Variants in PYHIN1 observed in about 807,000 individuals in gnomAD.
PYHIN1 encodes pyrin and HIN domain-containing protein 1.
Under a neutral mutation model 43.7 loss-of-function variants are expected in PYHIN1, and 32 were observed. The observed-to-expected ratio is 0.73, with a 90% CI of 0.55 to 0.98. The LOEUF (loss-of-function observed/expected upper bound fraction) is 0.98. Among genes scored for constraint, PYHIN1 ranks in the 50% least tolerant of loss-of-function variants. PYHIN1 has a pLI of 0.00. For synonymous variants in PYHIN1, 205 were observed against 203.1 expected (o/e 1.01, Z -0.08); for missense variants, 588 against 589.5 (o/e 1.00, Z 0.03).
intron 7 of PYHIN1, among the ~76,000 whole-genome samples, chr1:158,952,409 T>C (rs994531700): frequency 6.6e-6 from 1 of 151,988 alleles, no homozygotes; most frequent in Non-Finnish European, 1.5e-5. Flanking sequence ...TATGATTGCC[T>C]CGTTGATCTT....
chr1:158,947,554 C>A (rs1649289661), intron 7 of PYHIN1, among the ~76,000 whole-genome samples: 1 of 152,268 alleles, frequency 6.6e-6, no homozygotes, highest in African/African-American at 2.4e-5. Flanking sequence ...TCACTGGTAC[C>A]TGTGGGGGTT....
At chr1:158,978,070 G>A (rs1038545478), downstream of PYHIN1, among the ~76,000 whole-genome samples, 1 of 152,122 alleles carries the variant, frequency 6.6e-6, no homozygotes, top group Non-Finnish European at 1.5e-5. Flanking sequence ...AGGCATTAAA[G>A]TTCTGCCTTT....
In PYHIN1 at chr1:158,976,902, A is replaced by AG; in HGVS notation, c.*207_*208insG. 1 of 72,994 alleles carries AG rather than the reference A, an allele frequency of 1.4e-5. No individual in the cohort carries two copies. The allele number at this position is 72,994 out of a possible 1,614,324, so 4.5% of individuals were successfully genotyped here. On this transcript the variant is annotated 3_prime_UTR_variant, in exon 9 of 9. Coordinates refer to ENST00000368140, the MANE Select transcript of PYHIN1 (RefSeq NM_152501.5). ...TATATATATATATATATATATATATATATATATATATATACCAGCTATTAA... is the reference window on the plus strand; with the variant it reads ...TATATATATATATATATATATATATAGTATATATATATATACCAGCTATTAA...
intron 1 of PYHIN1, among the ~76,000 whole-genome samples, chr1:158,934,349 C>A (rs994963049): frequency 6.6e-6 from 1 of 152,150 alleles, no homozygotes; most frequent in African/African-American, 2.4e-5. Context: ...CAAAACAAAT[C>A]AAAACTTCCC....
At chr1:158,973,887 A>G in intron 8 of PYHIN1, 116 bp downstream of exon 8, 2 of 1,184,184 alleles carry the variant, frequency 1.7e-6, no homozygotes, top group Non-Finnish European at 2.3e-6. Flanking sequence ...TTATTTTACT[A>G]CATTTCTCAT....
At chr1:158,983,322 C>T in the PYHIN1 span, among the ~76,000 whole-genome samples, 2 of 151,952 alleles carry the variant, frequency 1.3e-5, no homozygotes, top group Non-Finnish European at 2.9e-5. Flanking sequence ...TCCTTTGATA[C>T]CTAGTTTGTT....
chr1:158,980,715 T>C (rs1651454276), downstream of PYHIN1, among the ~76,000 whole-genome samples: 1 of 152,150 alleles, frequency 6.6e-6, no homozygotes, highest in Non-Finnish European at 1.5e-5. Context: ...AAGATGTTTA[T>C]CAAGACAATA....
intron 2 of PYHIN1, 117 bp from the exon 3 acceptor site, chr1:158,938,280 A>T: frequency 9.1e-7 from 1 of 1,093,866 alleles, no homozygotes; most frequent in Non-Finnish European, 1.3e-6. Context: ...CAATAGAGAT[A>T]GACTAAAATA....
intron 7 of PYHIN1, among the ~76,000 whole-genome samples, chr1:158,951,108 C>T (rs1251046230): frequency 6.6e-6 from 1 of 152,076 alleles, no homozygotes; most frequent in South Asian, 2.1e-4. Flanking sequence ...AGGAGATGTG[C>T]CTGTGAGCTC....
downstream of PYHIN1, among the ~76,000 whole-genome samples, chr1:158,979,878 C>T (rs1651429082): frequency 6.6e-6 from 1 of 152,132 alleles, no homozygotes; most frequent in Non-Finnish European, 1.5e-5. Context: ...TCTTCACCCT[C>T]CTCCCACCCT....
At chr1:158,979,043 G>A (rs1271750597), downstream of PYHIN1, among the ~76,000 whole-genome samples, 1 of 152,156 alleles carries the variant, frequency 6.6e-6, no homozygotes, top group Non-Finnish European at 1.5e-5. Context: ...GCTCTGAGAG[G>A]ATCTCTAGTG....
chr1:158,944,046 C>T (rs1649079015), intron 6 of PYHIN1, 68 bp downstream of exon 6: 2 of 1,347,568 alleles, frequency 1.5e-6, no homozygotes, highest in Non-Finnish European at 1.0e-6. Flanking sequence ...TTTTAGGAAG[C>T]CATACTTCTG....
the PYHIN1 span, among the ~76,000 whole-genome samples, chr1:158,987,585 A>G: frequency 2.0e-5 from 3 of 152,192 alleles, no homozygotes; most frequent in African/African-American, 7.2e-5. Context: ...TGCATTCGAT[A>G]TCATATCTTA....
At chr1:158,955,593 A>G (rs1181176978) in intron 7 of PYHIN1, among the ~76,000 whole-genome samples, 1 of 145,400 alleles carries the variant, frequency 6.9e-6, no homozygotes, top group Non-Finnish European at 1.5e-5. Flanking sequence ...TCTGGGACGC[A>G]TTCAAAGCAG....
chr1:158,958,141 C>T (rs1244546099), intron 7 of PYHIN1, among the ~76,000 whole-genome samples: 4 of 150,970 alleles, frequency 2.6e-5, no homozygotes, highest in Admixed American at 1.3e-4. Context: ...AATAGGAACA[C>T]TTTTACACTG....
chr1:158,968,666 T>G (rs547337229), intron 7 of PYHIN1, among the ~76,000 whole-genome samples: 4 of 152,030 alleles, frequency 2.6e-5, no homozygotes, highest in Non-Finnish European at 5.9e-5. Flanking sequence ...GCACCACTAT[T>G]CACAATAGCA....
chr1:158,966,471 C>G (rs572683283), intron 7 of PYHIN1, among the ~76,000 whole-genome samples: 1 of 152,064 alleles, frequency 6.6e-6, no homozygotes, highest in African/African-American at 2.4e-5. Flanking sequence ...CAAAAATCCT[C>G]AAAAAAATAC....
chr1:158,953,456 C>A (rs953466029), intron 7 of PYHIN1, among the ~76,000 whole-genome samples: 7 of 150,542 alleles, frequency 4.6e-5, no homozygotes, highest in Non-Finnish European at 7.4e-5. Context: ...GACCCCCGAG[C>A]AGCCTAACTG....
At chr1:158,936,242 G>A (rs1341066474) in intron 1 of PYHIN1, among the ~76,000 whole-genome samples, 1 of 117,372 alleles carries the variant, frequency 8.5e-6, no homozygotes. Flanking sequence ...CCCAGTGTGC[G>A]ATGTTCCCCG....
Sources: allele counts gnomAD v4.1 joint callset (sites outside exome capture counted in the v4.1 genomes callset), GRCh38; gene constraint gnomAD v4.1.1; transcripts MANE v1.5; gene names NCBI Gene and HGNC (gene_info 2026-07-23, HGNC 2026-07-21).